SAP130: variants seen among roughly 807,000 people sequenced by gnomAD.
SAP130 encodes the protein histone deacetylase complex subunit SAP130.
In SAP130, 16 loss-of-function variants were observed where a neutral mutation model predicts 103.2. That is an observed-to-expected ratio of 0.16 (90% CI 0.10 to 0.24). The LOEUF is 0.24. Ranked by LOEUF, SAP130 falls within the 10% of genes least tolerant of loss-of-function variation. SAP130 has a pLI of 1.00. For missense variants in SAP130, 990 were observed against 1,359.7 expected (o/e 0.73, Z 4.28); for synonymous variants, 477 against 497.0 (o/e 0.96, Z 0.53).
At position 128,017,761 on chromosome 2, in the gene SAP130, T is replaced by A. The variant is rs1684874673; in HGVS notation, c.267A>T (p.Ser89=). The change falls in exon 3 of 21, where the codon TCA becomes TCT. Residue 89 remains serine (S), a synonymous_variant. Coordinates refer to ENST00000643581, the MANE Select transcript of SAP130 (RefSeq NM_001330301.2). ...QMLSTHHAVA[S]ATPVAVTAPP... is the part of the protein sequence containing the mutation. The stretch of plus-strand genomic sequence containing the variant: ...GGGCTGTCACTGCAACAGGTGTGGC[T>A]GATGCGACAGCATGGTGTGTCGACA... 6.2e-7 allele frequency: 1 copy of A among 1,614,248 alleles called. No individual in the cohort carries two copies. Among genetic ancestry groups the A allele is most frequent in the African/African-American group, 1.3e-5 (1 of 75,070 alleles).
At position 127,941,725 on chromosome 2, in the gene SAP130, G is replaced by T; in HGVS notation, c.*281C>A. On this transcript the variant is annotated 3_prime_UTR_variant, in exon 21 of 21. Coordinates refer to ENST00000643581, the MANE Select transcript of SAP130 (RefSeq NM_001330301.2). ...TGAAAAACACCAGCCAGCCATCCTTGTCATTGCTTCCAACTGGTGGACACT... is the reference window on the plus strand; with the variant it reads ...TGAAAAACACCAGCCAGCCATCCTTTTCATTGCTTCCAACTGGTGGACACT... The T allele has an allele frequency of 4.8e-6, 2 of 417,330 alleles. No homozygotes were observed. The highest frequency in any genetic ancestry group is 5.3e-5 in the East Asian group (1 of 18,774). 25.9% of individuals were successfully genotyped at this position (417,330 alleles called of 1,614,324 possible). A position where few individuals can be genotyped will look rare whatever the true frequency, so the allele number is the denominator to read the frequency against.
rs553798982 is a variant in SAP130, at chr2:127,955,073, T to C, written c.2335A>G (p.Ser779Gly). The change falls in exon 16 of 21, where the codon AGT becomes GGT. Residue 779 changes from serine to glycine, a missense_variant. Physicochemically the swap from Ser to Gly is moderately conservative, Grantham distance 56. Around this residue, in one of 6 missense-constraint regions of SAP130, gnomAD observed 349 missense variants for 384.1 expected, o/e 0.91. Coordinates refer to ENST00000643581, the MANE Select transcript of SAP130 (RefSeq NM_001330301.2). The surrounding 1 kb of genome is among the most constrained non-coding windows in gnomAD (Gnocchi z 4.9). ...APPPSVTVGG[S>G]LSSVLGPPVP... is the part of the protein sequence containing the mutation. Reference sequence around the variant, plus strand: ...GGAGGGCCCAAGACGGAGGAAAGACTGCCACCCACAGTGACTGATGGAGGT... The same window carrying C: ...GGAGGGCCCAAGACGGAGGAAAGACCGCCACCCACAGTGACTGATGGAGGT... 1.4e-5 allele frequency: 23 copies of C among 1,614,180 alleles called. No individual in the cohort carries two copies. The African/African-American group carries it at 2.7e-4, about 19-fold the overall frequency.
intron 14 of SAP130, among the ~76,000 whole-genome samples, chr2:127,978,964 A>G (rs1479319934): frequency 6.6e-6 from 1 of 152,252 alleles, no homozygotes; most frequent in Non-Finnish European, 1.5e-5. Context: ...TTAAGAAGAT[A>G]CATGTAAGTC....
At chr2:128,002,024 A>C (rs996287467) in intron 7 of SAP130, among the ~76,000 whole-genome samples, 7 of 151,962 alleles carry the variant, frequency 4.6e-5, no homozygotes, top group Admixed American at 2.0e-4. Context: ...CCTCCCAGGC[A>C]GAGGCAATTC....
At chr2:128,020,043 G>A (rs1685046395) in intron 2 of SAP130, among the ~76,000 whole-genome samples, 1 of 152,010 alleles carries the variant, frequency 6.6e-6, no homozygotes, top group Admixed American at 6.6e-5. Context: ...AAATTATTTG[G>A]AGTACCATAA....
At chr2:127,980,765 G>A (rs1302155260) in intron 14 of SAP130, among the ~76,000 whole-genome samples, 2 of 152,126 alleles carry the variant, frequency 1.3e-5, no homozygotes, top group East Asian at 1.9e-4. Context: ...GCAACATGGT[G>A]AAATCCCATC....
At chr2:127,974,647 C>T (rs1681327443) in intron 15 of SAP130, among the ~76,000 whole-genome samples, 2 of 152,056 alleles carry the variant, frequency 1.3e-5, no homozygotes, top group South Asian at 4.1e-4. Flanking sequence ...AACCCTGTCT[C>T]TACTAAAAAT....
intron 6 of SAP130, among the ~76,000 whole-genome samples, chr2:128,011,234 C>A (rs1684376198): frequency 6.6e-6 from 1 of 152,236 alleles, no homozygotes; most frequent in Admixed American, 6.5e-5. Context: ...GTATTCTTTT[C>A]TAGGTAATCG....
chr2:128,004,435 T>A (rs1441445382), intron 7 of SAP130, among the ~76,000 whole-genome samples: 1 of 142,924 alleles, frequency 7.0e-6, no homozygotes, highest in African/African-American at 2.6e-5. Flanking sequence ...CTTGAATTCC[T>A]AGGCTCAGAC....
intron 1 of SAP130, 120 bp from the exon 2 acceptor site, chr2:128,026,418 T>A: frequency 1.5e-6 from 1 of 650,952 alleles, no homozygotes; most frequent in Non-Finnish European, 2.7e-6. Context: ...GCTGCATCAT[T>A]TATTTAAAAA....
At chr2:128,025,797 C>T (rs780777142) in intron 2 of SAP130, among the ~76,000 whole-genome samples, 1 of 152,074 alleles carries the variant, frequency 6.6e-6, no homozygotes, top group African/African-American at 2.4e-5. Context: ...ATAGGGAAAC[C>T]GCATATCCTT....
chr2:127,943,625 G>T (rs772434183), intron 19 of SAP130, among the ~76,000 whole-genome samples: 5 of 152,184 alleles, frequency 3.3e-5, no homozygotes, highest in Non-Finnish European at 7.3e-5. Flanking sequence ...GTATCTAAAC[G>T]TATCTATACA....
chr2:127,961,137 G>A (rs1461769706), intron 15 of SAP130, among the ~76,000 whole-genome samples: 3 of 151,196 alleles, frequency 2.0e-5, no homozygotes, highest in Non-Finnish European at 4.4e-5. Flanking sequence ...CCACAGGTGT[G>A]CACCACCACA....
intron 6 of SAP130, 33 bp downstream of exon 6, chr2:128,012,997 G>A (rs1289990426): frequency 1.3e-6 from 2 of 1,580,584 alleles, no homozygotes. Context: ...TAACTCCAAT[G>A]AGGCCCTTAA....
At chr2:127,968,534 C>CA (rs1006143221) in intron 15 of SAP130, among the ~76,000 whole-genome samples, 5 of 143,778 alleles carry the variant, frequency 3.5e-5, no homozygotes, top group Admixed American at 7.0e-5. Flanking sequence ...GTCTCAAAAA[C>CA]AAAAAAAAGA....
chr2:128,018,301 C>G (rs1684910322), intron 2 of SAP130, among the ~76,000 whole-genome samples: 1 of 139,326 alleles, frequency 7.2e-6, no homozygotes, highest in Non-Finnish European at 1.5e-5. Context: ...AACCCTATCT[C>G]TACTAAAAAT....
chr2:127,958,498 C>T (rs1679996535), intron 15 of SAP130, among the ~76,000 whole-genome samples: 1 of 152,166 alleles, frequency 6.6e-6, no homozygotes, highest in African/African-American at 2.4e-5. Flanking sequence ...GAAATGAACA[C>T]ATAAGATATA....
chr2:127,993,452 C>A (rs1682958448), intron 11 of SAP130, 144 bp from the exon 12 acceptor site: 5 of 705,516 alleles, frequency 7.1e-6, no homozygotes, highest in African/African-American at 1.9e-5. Context: ...ACTCTTACAT[C>A]ACAGGACACA....
chr2:127,958,611 T>G (rs1680004560), intron 15 of SAP130, among the ~76,000 whole-genome samples: 1 of 150,592 alleles, frequency 6.6e-6, no homozygotes, highest in South Asian at 2.1e-4. Context: ...ACTCTCTCTC[T>G]CATATATATG....
Sources: allele counts gnomAD v4.1 joint callset (sites outside exome capture counted in the v4.1 genomes callset), GRCh38; gene constraint gnomAD v4.1.1; regional missense constraint gnomAD v4.1.1; non-coding constraint Gnocchi (gnomAD v3.1); transcripts MANE v1.5; gene names NCBI Gene and HGNC (gene_info 2026-07-23, HGNC 2026-07-21).